GRHL3: variants seen among roughly 807,000 people sequenced by gnomAD.
The protein encoded by GRHL3 is grainyhead-like protein 3 homolog.
Under a neutral mutation model 70.3 loss-of-function variants are expected in GRHL3, and 20 were observed. The ratio of observed to expected loss-of-function variants is 0.28; its 90% confidence interval spans 0.20 to 0.41. The LOEUF (loss-of-function observed/expected upper bound fraction) is 0.41, where lower values mean the gene tolerates loss of function less well. Among genes scored for constraint, GRHL3 ranks in the 10% least tolerant of loss-of-function variants. The pLI, the probability that GRHL3 is intolerant of heterozygous loss-of-function variation, is 1.00. For synonymous variants in GRHL3, 299 were observed against 299.9 expected, an observed-to-expected ratio of 1.00 and a Z score of 0.03; for missense variants, 637 against 762.3, an observed-to-expected ratio of 0.84 and a Z score of 1.94.
chr1:24,361,672 C>T (rs548508160), intron 15 of GRHL3, among the ~76,000 whole-genome samples: 3 of 152,254 alleles, frequency 2.0e-5, no homozygotes, highest in South Asian at 4.1e-4. Context: ...AATCAAGAGA[C>T]TCTGCATAAC....
intron 15 of GRHL3, among the ~76,000 whole-genome samples, chr1:24,360,443 C>CT (rs1233381933): frequency 2.8e-4 from 42 of 152,032 alleles, no homozygotes; most frequent in African/African-American, 9.2e-4. Flanking sequence ...GAGACTCCGT[C>CT]TCAAAAAAAT....
intron 2 of GRHL3, among the ~76,000 whole-genome samples, chr1:24,332,211 G>A (rs1040277927): frequency 2.6e-5 from 4 of 151,944 alleles, no homozygotes; most frequent in East Asian, 3.9e-4. Context: ...CCCTTCCTTC[G>A]GGGCCTTCCC....
rs540289112 is a variant in GRHL3 at position 24,354,496 on chromosome 1, C to A, written c.*8C>A. ...ATCCTTAAGGAGCTGTAAGGCCTCT[C>A]GAGCATCCAAACCCTCACGACCTGC... On this transcript the variant is annotated 3_prime_UTR_variant, in exon 16 of 16. Coordinates refer to ENST00000361548, the MANE Select transcript of GRHL3 (RefSeq NM_198173.3). The A allele has an allele frequency of 1.9e-6, 3 of 1,581,708 alleles. No individual in the cohort carries two copies. The highest frequency in any genetic ancestry group is 2.2e-5 in the East Asian group (1 of 44,664).
At chr1:24,355,806 GAC>G (rs1456404124), downstream of GRHL3, among the ~76,000 whole-genome samples, 2 of 152,154 alleles carry the variant, frequency 1.3e-5, no homozygotes, top group African/African-American at 2.4e-5. Flanking sequence ...CAGCCATGGT[GAC>G]AGTCAGAAAT....
exon 16 of GRHL3, chr1:24,364,288 G>A: frequency 1.9e-6 from 3 of 1,549,652 alleles, no homozygotes; most frequent in East Asian, 2.5e-5. Flanking sequence ...TTTTGGAGAT[G>A]GATTTTGGAG....
intron 2 of GRHL3, among the ~76,000 whole-genome samples, chr1:24,332,804 G>T (rs1247100038): frequency 2.2e-4 from 34 of 152,224 alleles, no homozygotes; most frequent in Admixed American, 2.2e-3. Flanking sequence ...TGTTTGAACT[G>T]AGAGGCCAAG....
intron 8 of GRHL3, among the ~76,000 whole-genome samples, chr1:24,341,227 C>T (rs1023946868): frequency 6.6e-6 from 1 of 152,170 alleles, no homozygotes; most frequent in Non-Finnish European, 1.5e-5. Flanking sequence ...ATCAGTTGGG[C>T]ATAGGCTTTG....
chr1:24,359,195 C>T (rs1569952248), downstream of GRHL3, among the ~76,000 whole-genome samples: 1 of 152,184 alleles, frequency 6.6e-6, no homozygotes, highest in African/African-American at 2.4e-5. The surrounding 1 kb of genome is among the most constrained non-coding windows in gnomAD (Gnocchi z 5.3). Flanking sequence ...CAGGCAGATG[C>T]CGGCACGTGC....
At chr1:24,326,506 C>T (rs113610333) in intron 1 of GRHL3, among the ~76,000 whole-genome samples, 5 of 152,034 alleles carry the variant, frequency 3.3e-5, no homozygotes, top group Non-Finnish European at 5.9e-5. Context: ...TTCTTCATAG[C>T]TCTCTTCACC....
At chr1:24,344,642 G>C (rs183107315) in intron 11 of GRHL3, among the ~76,000 whole-genome samples, 32 of 152,070 alleles carry the variant, frequency 2.1e-4, no homozygotes, top group Admixed American at 1.1e-3. Flanking sequence ...ACTCTGCTCT[G>C]ACAACATGGC....
At chr1:24,332,311 C>A (rs1639643798) in intron 2 of GRHL3, among the ~76,000 whole-genome samples, 1 of 152,156 alleles carries the variant, frequency 6.6e-6, no homozygotes, top group African/African-American at 2.4e-5. Flanking sequence ...GCCATTATGT[C>A]TTTTACTGTT....
intron 15 of GRHL3, among the ~76,000 whole-genome samples, chr1:24,361,245 G>C (rs950535337): frequency 2.0e-5 from 3 of 152,188 alleles, no homozygotes; most frequent in Non-Finnish European, 4.4e-5. Flanking sequence ...ATCATGATGG[G>C]ACCTACTTTG....
rs1222637348 is a variant in GRHL3 at position 24,334,301 on chromosome 1, T to C, written c.205-344T>C. On this transcript the variant is annotated intron_variant, in intron 2 of 15. Coordinates refer to ENST00000361548, the MANE Select transcript of GRHL3 (RefSeq NM_198173.3). The surrounding 1 kb of genome is among the most constrained non-coding windows in gnomAD (Gnocchi z 4.3). ...CATGGCCAGGGAGGCGTCAGGAAAC[T>C]TAAATCATGGAGGAAGGGGAAGCAA... Among the ~76,000 whole-genome samples, 5 of 152,116 alleles carry C rather than the reference T, an allele frequency of 3.3e-5. No individual in the cohort carries two copies. Among genetic ancestry groups the C allele is most frequent in the African/African-American group, 1.2e-4 (5 of 41,412 alleles).
At chr1:24,352,121 C>T (rs1400782284) in intron 15 of GRHL3, among the ~76,000 whole-genome samples, 5 of 151,952 alleles carry the variant, frequency 3.3e-5, no homozygotes, top group African/African-American at 4.8e-5. Context: ...CACACCCCCA[C>T]GGCCGTGAAA....
Position 24,346,787 on chromosome 1 carries a change from G to C in GRHL3, c.1543+146G>C. 4 of 623,012 alleles carry C rather than the reference G, an allele frequency of 6.4e-6. No individual in the cohort carries two copies. The Admixed American group carries it at 1.0e-4, about 16-fold the overall frequency. 38.6% of individuals were successfully genotyped at this position (623,012 alleles called of 1,614,324 possible). ...GTTTAGGTTAAGACTTGGGGGTGGG[G>C]GTAAGGAGGGAACCTCAGGCTGCTT... is the stretch of plus-strand genomic sequence containing the variant. On this transcript the variant is annotated intron_variant, in intron 13 of 15. Transcript: ENST00000361548.
chr1:24,347,372 A>T, intron 13 of GRHL3, 96 bp from the exon 14 acceptor site: 1 of 1,074,974 alleles, frequency 9.3e-7, no homozygotes, highest in African/African-American at 1.5e-5. Flanking sequence ...CCGCAGCAGA[A>T]GTCAATCTTC....
chr1:24,322,320 C>T lies in GRHL3; in HGVS notation c.17+2752C>T, dbSNP rs1040496421. On this transcript the variant is annotated intron_variant, in intron 1 of 15. Transcript: ENST00000361548. The surrounding 1 kb of genome is among the most constrained non-coding windows in gnomAD (Gnocchi z 4.4). ...GGGACTAGAACCGTCGCAGTCCTGACCGCGGCCGCCGCCGCCGTTCTATCT... is the reference window on the plus strand; with the variant it reads ...GGGACTAGAACCGTCGCAGTCCTGATCGCGGCCGCCGCCGCCGTTCTATCT... Among the ~76,000 whole-genome samples the T allele has an allele frequency of 2.0e-5, 3 of 152,144 alleles. No homozygotes were observed. The highest frequency in any genetic ancestry group is 2.9e-5 in the Non-Finnish European group (2 of 68,026).
At chr1:24,358,552 C>T (rs763729229), downstream of GRHL3, 77 of 1,613,576 alleles carry the variant, frequency 4.8e-5, no homozygotes, top group South Asian at 6.6e-4. Flanking sequence ...CCTACAGAAC[C>T]GGGATCCATT....
Position 24,331,488 on chromosome 1 carries a change from G to C in GRHL3, c.80G>C (p.Ser27Thr), listed in dbSNP as rs1639612264. The C allele has an allele frequency of 6.2e-7, 1 of 1,613,946 alleles. No individual in the cohort carries two copies. The highest frequency in any genetic ancestry group is 8.5e-7 in the Non-Finnish European group (1 of 1,179,996). The change falls in exon 2 of 16, where the codon AGT (serine) becomes ACT (threonine). Residue 27 changes from serine to threonine, a missense_variant. Coordinates refer to ENST00000361548, the MANE Select transcript of GRHL3 (RefSeq NM_198173.3). ...AACTTGCAGAAATTCTCTTACACTA[G>C]TGAGGATGAGGCCTGGAAGACGTAC... is the stretch of plus-strand genomic sequence containing the variant. ...PVNLQKFSYT[S>T]EDEAWKTYLE...
Sources: allele counts gnomAD v4.1 joint callset (sites outside exome capture counted in the v4.1 genomes callset), GRCh38; gene constraint gnomAD v4.1.1; non-coding constraint Gnocchi (gnomAD v3.1); transcripts MANE v1.5; gene names NCBI Gene and HGNC (gene_info 2026-07-23, HGNC 2026-07-21).